The following UNC93B1 variants were observed in gnomAD, a reference collection of about 807,000 sequenced individuals.
The protein encoded by UNC93B1 is protein unc-93 homolog B1.
UNC93B1 carries 33 observed loss-of-function variants against 56.8 expected under a neutral mutation model. The ratio of observed to expected loss-of-function variants is 0.58; its 90% CI spans 0.44 to 0.78. The LOEUF is 0.78. Among genes scored for constraint, UNC93B1 ranks in the 30% least tolerant of loss-of-function variants. The probability of loss-of-function intolerance (pLI) is 0.00; values close to 1 mark genes in which losing one functional copy is unlikely to be tolerated. For missense variants in UNC93B1, 673 were observed against 819.5 expected (o/e 0.82, Z 2.18); for synonymous variants, 334 against 358.6 (o/e 0.93, Z 0.77).
chr11:67,997,165 G>A (rs1288991391), intron 7 of UNC93B1, among the ~76,000 whole-genome samples: 1 of 144,746 alleles, frequency 6.9e-6, no homozygotes, highest in Non-Finnish European at 1.5e-5. Context: ...CCCGCCCCTC[G>A]GACACACCCA....
chr11:68,000,708 C>A (rs775722962), intron 3 of UNC93B1, among the ~76,000 whole-genome samples: 1 of 152,086 alleles, frequency 6.6e-6, no homozygotes, highest in Admixed American at 6.5e-5. Context: ...CTGGCATAAC[C>A]CTTTGGGAAA....
At chr11:67,992,718 G>T (rs1307544378) in intron 10 of UNC93B1, among the ~76,000 whole-genome samples, 1 of 141,274 alleles carries the variant, frequency 7.1e-6, no homozygotes, top group African/African-American at 2.7e-5. Flanking sequence ...AGGCTGAAGT[G>T]CGGTGGCGCG....
chr11:67,993,521 C>T (rs1856883429), intron 10 of UNC93B1, among the ~76,000 whole-genome samples, 155 bp downstream of exon 10: 1 of 152,224 alleles, frequency 6.6e-6, no homozygotes, highest in African/African-American at 2.4e-5. Flanking sequence ...AAGTGGGGTG[C>T]TGAGTTGGGG....
Position 67,995,810 on chromosome 11 carries a change from G to C in UNC93B1, c.1164C>G (p.Ala388=), listed in dbSNP as rs991896743. ...GGCCCAGCAGGCCCAGGAGTGAGGC[G>C]GCTGAGGCGCCCAGGCTGTAAGCCA... is the stretch of plus-strand genomic sequence containing the variant. ...LLVAYSLGAS[A]ASLLGLLGLW... Residue 388 remains alanine, a synonymous_variant, in exon 9 of 11, where the codon GCC becomes GCG. Coordinates refer to ENST00000227471, the MANE Select transcript of UNC93B1 (RefSeq NM_030930.4). 1 of 1,546,700 alleles carries C rather than the reference G, an allele frequency of 6.5e-7. No homozygotes were observed. Among genetic ancestry groups the C allele is most frequent in the Non-Finnish European group, 8.7e-7 (1 of 1,146,284 alleles).
intron 6 of UNC93B1, 106 bp downstream of exon 6, chr11:67,998,253 G>A: frequency 7.7e-7 from 1 of 1,299,202 alleles, no homozygotes; most frequent in Non-Finnish European, 1.1e-6. Flanking sequence ...CCAGAGCCGT[G>A]GGGCACTGGG....
At chr11:67,994,229 T>A (rs1441155393) in intron 9 of UNC93B1, among the ~76,000 whole-genome samples, 2 of 152,140 alleles carry the variant, frequency 1.3e-5, no homozygotes, top group Non-Finnish European at 2.9e-5. Flanking sequence ...AGAGGGGGGA[T>A]TCCTTTCCAG....
At chr11:67,993,986 G>A (rs1350052275) in intron 9 of UNC93B1, among the ~76,000 whole-genome samples, 192 bp from the exon 10 acceptor site, 1 of 152,224 alleles carries the variant, frequency 6.6e-6, no homozygotes, top group African/African-American at 2.4e-5. Context: ...CTGCTCACAC[G>A]CTAAGCAGAA....
intron 7 of UNC93B1, 47 bp from the exon 8 acceptor site, chr11:67,996,831 G>GCCTCCAGGCTTCAGCCCCGC: frequency 6.8e-7 from 1 of 1,477,768 alleles, no homozygotes; most frequent in African/African-American, 1.4e-5. Context: ...CCCAGGCCTG[G>GCCTCCAGGCTTCAGCCCCGC]CCTCCAGGCT....
chr11:67,993,312 T>G lies in UNC93B1; in HGVS notation c.1482+364A>C, dbSNP rs1856880540. ...CCTTTAGTTCTATTTTTAAAAAATG[T>G]TTAGCAACTGGGACTTGCTAGACCG... is the stretch of plus-strand genomic sequence containing the variant. On this transcript the variant is annotated intron_variant, in intron 10 of 10. Transcript: ENST00000227471. Among the ~76,000 whole-genome samples, 5 of 152,242 alleles carry G rather than the reference T, an allele frequency of 3.3e-5. No individual in the cohort carries two copies. In the South Asian group the frequency reaches 8.3e-4, roughly 25 times the overall value.
Position 67,995,817 on chromosome 11 carries a change from G to C in UNC93B1, c.1157C>G (p.Ala386Gly). ...AYLLVAYSLG[A>G]SAASLLGLLG... is the part of the protein sequence containing the mutation. ...CAGGCCCAGGAGTGAGGCGGCTGAG[G>C]CGCCCAGGCTGTAAGCCACGAGGAG... The change falls in exon 9 of 11, where the codon GCC (alanine) becomes GGC (glycine). Residue 386 changes from alanine to glycine, a missense_variant. Ala to Gly is a moderately conservative substitution (Grantham distance 60). Transcript: ENST00000227471. The C allele has an allele frequency of 6.5e-7, 1 of 1,546,180 alleles. No homozygotes were observed. The highest frequency in any genetic ancestry group is 8.7e-7 in the Non-Finnish European group (1 of 1,146,164).
In UNC93B1 at chr11:67,996,736, G is replaced by T. The variant is rs866301909; in HGVS notation, c.955C>A (p.Leu319Met). 2.6e-6 allele frequency: 4 copies of T among 1,559,714 alleles called. No homozygotes were observed. The South Asian group carries it at 4.7e-5, about 18-fold the overall frequency. ...AAYRPTEEID[L>M]RSVGWGNIFQ... is the part of the protein sequence containing the mutation. ...ATGTTGCCCCAGCCCACGCTGCGCA[G>T]ATCGATCTCCTCCGTGGGCCGGTAA... Residue 319 changes from leucine to methionine, a missense_variant, in exon 8 of 11, where the codon CTG (leucine) becomes ATG (methionine). Transcript: ENST00000227471.
At chr11:67,991,906 C>T in intron 10 of UNC93B1, 49 bp from the exon 11 acceptor site, 1 of 1,518,776 alleles carries the variant, frequency 6.6e-7, no homozygotes. Context: ...CCTCGCCCCG[C>T]ACCTTCCCCG....
rs774489822 is a variant in UNC93B1 at position 67,997,663 on chromosome 11, C to T, written c.906+12G>A. 8 of 1,601,046 alleles carry T rather than the reference C, an allele frequency of 5.0e-6. No individual in the cohort carries two copies. In the South Asian group the frequency reaches 8.8e-5, roughly 18 times the overall value. ...GCTTCACTGACTGTCCTGCCCCCAT[C>T]CCGGGCCGCACCAGCAGCATGGCCA... On this transcript the variant is annotated intron_variant, in intron 7 of 10. Coordinates refer to ENST00000227471, the MANE Select transcript of UNC93B1 (RefSeq NM_030930.4).
In UNC93B1 at chr11:67,991,640, G is replaced by T; in HGVS notation, c.1700C>A (p.Ala567Glu). ...GDGAEEEAPP[A>E]GPRPGPEPAG... Reference sequence around the variant, plus strand: ...GGGCTCGGGGCCAGGCCTGGGCCCTGCGGGCGGCGCCTCCTCCTCCGCGCC... The same window carrying T: ...GGGCTCGGGGCCAGGCCTGGGCCCTTCGGGCGGCGCCTCCTCCTCCGCGCC... Residue 567 changes from alanine to glutamate, a missense_variant, in exon 11 of 11, where the codon GCA (alanine) becomes GAA (glutamate). This residue lies in a region of UNC93B1 where 80 missense variants were observed against 85.3 expected (regional missense o/e 0.94). Coordinates refer to ENST00000227471, the MANE Select transcript of UNC93B1 (RefSeq NM_030930.4). 6.6e-7 allele frequency: 1 copy of T among 1,522,336 alleles called. No homozygotes were observed. Among genetic ancestry groups the T allele is most frequent in the Non-Finnish European group, 8.8e-7 (1 of 1,141,932 alleles). The allele number at this position is 1,522,336 out of a possible 1,614,324, so 94.3% of individuals were successfully genotyped here.
chr11:67,996,734 C>G lies in UNC93B1; in HGVS notation c.957G>C (p.Leu319=). ...AAYRPTEEID[L]RSVGWGNIFQ... is the part of the protein sequence containing the mutation. ...AGATGTTGCCCCAGCCCACGCTGCGCAGATCGATCTCCTCCGTGGGCCGGT... is the reference window on the plus strand; with the variant it reads ...AGATGTTGCCCCAGCCCACGCTGCGGAGATCGATCTCCTCCGTGGGCCGGT... Residue 319 remains leucine (L), a synonymous_variant, in exon 8 of 11, where the codon CTG becomes CTC. Transcript: ENST00000227471. The G allele has an allele frequency of 6.4e-7, 1 of 1,559,084 alleles. No individual in the cohort carries two copies. Among genetic ancestry groups the G allele is most frequent in the East Asian group, 2.4e-5 (1 of 41,346 alleles).
Position 67,991,665 on chromosome 11 carries a change from C to G in UNC93B1, c.1675G>C (p.Gly559Arg), listed in dbSNP as rs1175158610. The G allele has an allele frequency of 4.6e-6, 7 of 1,530,068 alleles. No homozygotes were observed. Among genetic ancestry groups the G allele is most frequent in the African/African-American group, 1.4e-5 (1 of 72,526 alleles). The allele number at this position is 1,530,068 out of a possible 1,614,324, so 94.8% of individuals were successfully genotyped here. Residue 559 changes from glycine to arginine, a missense_variant, in exon 11 of 11, where the codon GGC becomes CGC. Gly to Arg is a moderately radical substitution (Grantham distance 125, BLOSUM62 -2). Coordinates refer to ENST00000227471, the MANE Select transcript of UNC93B1 (RefSeq NM_030930.4). ...ESDAEGEHGD[G>R]AEEEAPPAGP... is the part of the protein sequence containing the mutation. ...GCGGGCGGCGCCTCCTCCTCCGCGC[C>G]GTCCCCATGCTCGCCCTCCGCGTCG...
Position 67,997,717 on chromosome 11 carries a change from C to G in UNC93B1, c.864G>C (p.Val288=), listed in dbSNP as rs1178898148. 2 of 1,608,776 alleles carry G rather than the reference C, an allele frequency of 1.2e-6. No homozygotes were observed. The stretch of plus-strand genomic sequence containing the variant: ...AGGCCACTGCCATGAGCACGCTCTC[C>G]ACCACAATGAGGTTTCCGCTCCGCG... ...TLPRSGNLIV[V]ESVLMAVAFL... Residue 288 remains valine, a synonymous_variant, in exon 7 of 11, where the codon GTG becomes GTC. Coordinates refer to ENST00000227471, the MANE Select transcript of UNC93B1 (RefSeq NM_030930.4).
At chr11:67,997,560 C>G (rs763785545) in intron 7 of UNC93B1, 115 bp downstream of exon 7, 2 of 1,537,116 alleles carry the variant, frequency 1.3e-6, no homozygotes, top group East Asian at 4.6e-5. Flanking sequence ...CGGCCTGCCC[C>G]GAGGCCACAA....
At chr11:68,001,401 C>G (rs1857042894) in intron 3 of UNC93B1, among the ~76,000 whole-genome samples, 1 of 152,054 alleles carries the variant, frequency 6.6e-6, no homozygotes, top group Admixed American at 6.5e-5. Context: ...TGTGGTGGCT[C>G]ACACCTGTAA....
Sources: gnomAD v4.1 joint callset for allele counts (sites outside exome capture counted in the v4.1 genomes callset) on GRCh38, gnomAD v4.1.1 for gene constraint, gnomAD v4.1.1 regional missense constraint, MANE v1.5 for transcripts, NCBI Gene and HGNC (gene_info 2026-07-23, HGNC 2026-07-21) for gene names.